Variants in DENND2B observed in about 807,000 individuals in gnomAD.
The protein encoded by DENND2B is DENN domain-containing protein 2B.
Under a neutral mutation model 116.0 loss-of-function variants are expected in DENND2B, and 32 were observed. The observed-to-expected ratio is 0.28, with a 90% confidence interval of 0.21 to 0.37. DENND2B has a LOEUF of 0.37. Among genes scored for constraint, DENND2B ranks in the 10% least tolerant of loss-of-function variants. The pLI is 1.00. For synonymous variants in DENND2B, 588 were observed against 583.9 expected (o/e 1.01, Z -0.10); for missense variants, 1,276 against 1,477.7 (o/e 0.86, Z 2.24).
chr11:8,744,996 C>T (rs1262984598), intron 2 of DENND2B, among the ~76,000 whole-genome samples: 1 of 151,544 alleles, frequency 6.6e-6, no homozygotes, highest in African/African-American at 2.4e-5. Flanking sequence ...TGGCTCACTG[C>T]TACCTCCATC....
intron 3 of DENND2B, among the ~76,000 whole-genome samples, chr11:8,847,067 T>C (rs1315224613): frequency 6.6e-6 from 1 of 152,260 alleles, no homozygotes; most frequent in East Asian, 1.9e-4. Flanking sequence ...TCTTGGGTCT[T>C]TCATAGTCTT....
intron 8 of DENND2B, among the ~76,000 whole-genome samples, chr11:8,713,110 C>T (rs1052539956): frequency 2.0e-5 from 3 of 152,200 alleles, no homozygotes; most frequent in Non-Finnish European, 2.9e-5. Context: ...AGGACATGCT[C>T]CTACATCCAA....
rs2047965292 is a variant in DENND2B, at chr11:8,730,638, T to C, written c.652A>G (p.Lys218Glu). 4 of 1,612,914 alleles carry C rather than the reference T, an allele frequency of 2.5e-6. No homozygotes were observed. The highest frequency in any genetic ancestry group is 1.7e-6 in the Non-Finnish European group (2 of 1,179,944). The change falls in exon 3 of 20, where the codon AAG (lysine) becomes GAG (glutamate). Residue 218 changes from lysine (K) to glutamate (E), a missense_variant. Lys to Glu is a moderately conservative substitution (Grantham distance 56). This residue lies in a region of DENND2B where 856 missense variants were observed against 846.6 expected (regional missense o/e 1.01). Coordinates refer to ENST00000313726, the MANE Select transcript of DENND2B (RefSeq NM_213618.2). The surrounding 1 kb of genome is among the most constrained non-coding windows in gnomAD (Gnocchi z 4.1). The part of the protein sequence containing the change: ...SVVPSPCSSE[K>E]TFDFKGLRRM... ...CGGAGGCCCTTGAAATCAAAGGTCT[T>C]TTCAGAGCTGCAGGGGGACGGCACC...
At chr11:8,888,472 C>A (rs990245096) in intron 1 of DENND2B, among the ~76,000 whole-genome samples, 4 of 152,146 alleles carry the variant, frequency 2.6e-5, no homozygotes, top group African/African-American at 7.2e-5. Flanking sequence ...CAATAAAATT[C>A]TTAGAAGAAA....
chr11:8,861,475 A>G (rs1226252504), intron 2 of DENND2B, among the ~76,000 whole-genome samples: 1 of 152,240 alleles, frequency 6.6e-6, no homozygotes, highest in African/African-American at 2.4e-5. Flanking sequence ...TAAAACCACA[A>G]TGAAATACTC....
chr11:8,704,112 G>A (rs939494218), intron 13 of DENND2B, among the ~76,000 whole-genome samples: 13 of 152,200 alleles, frequency 8.5e-5, no homozygotes, highest in African/African-American at 3.1e-4. Context: ...TCCCGGCCTT[G>A]TTCCCTGCAT....
At chr11:8,867,991 C>A (rs2063644740) in intron 2 of DENND2B, among the ~76,000 whole-genome samples, 1 of 149,300 alleles carries the variant, frequency 6.7e-6, no homozygotes, top group African/African-American at 2.5e-5. Flanking sequence ...CAACATTGAT[C>A]TACCTCTCAG....
intron 3 of DENND2B, among the ~76,000 whole-genome samples, chr11:8,846,454 G>A (rs1322910644): frequency 6.6e-6 from 1 of 152,150 alleles, no homozygotes; most frequent in South Asian, 2.1e-4. Context: ...GGGCCCACTG[G>A]GCAGACACTC....
At chr11:8,799,987 T>C (rs1302086989) in intron 1 of DENND2B, among the ~76,000 whole-genome samples, 1 of 151,268 alleles carries the variant, frequency 6.6e-6, no homozygotes, top group Non-Finnish European at 1.5e-5. Flanking sequence ...AGGATCTTGC[T>C]CTGTCACCCA....
chr11:8,749,476 T>C (rs954075803), intron 2 of DENND2B, among the ~76,000 whole-genome samples: 6 of 152,230 alleles, frequency 3.9e-5, no homozygotes, highest in Admixed American at 3.9e-4. Context: ...CAAACCCTGT[T>C]TGGCATAGTC....
At chr11:8,873,087 G>A (rs1372587659), upstream of DENND2B, among the ~76,000 whole-genome samples, 1 of 152,142 alleles carries the variant, frequency 6.6e-6, no homozygotes, top group Non-Finnish European at 1.5e-5. Flanking sequence ...CAGCCTCCAG[G>A]TAAATTCTAC....
At chr11:8,848,990 G>C (rs2062905786) in intron 3 of DENND2B, among the ~76,000 whole-genome samples, 1 of 151,898 alleles carries the variant, frequency 6.6e-6, no homozygotes, top group Non-Finnish European at 1.5e-5. Context: ...TGCCATTACT[G>C]CTGTTTTATT....
intron 2 of DENND2B, among the ~76,000 whole-genome samples, chr11:8,859,597 C>G (rs948957568): frequency 6.6e-6 from 1 of 152,188 alleles, no homozygotes; most frequent in Admixed American, 6.5e-5. Flanking sequence ...CGTGAGCCAC[C>G]GCGCCCGGCC....
chr11:8,779,516 T>C lies in DENND2B; in HGVS notation c.-25-28791A>G, dbSNP rs867592977. Among the ~76,000 whole-genome samples, 569 of 143,468 alleles carry C rather than the reference T, an allele frequency of 4.0e-3. 13 individuals carry two copies. The highest frequency in any genetic ancestry group is 0.014 in the African/African-American group (515 of 36,028). 94.1% of individuals were successfully genotyped at this position (143,468 alleles called of 152,430 possible). A position where few individuals can be genotyped will look rare whatever the true frequency, so the allele number is the denominator to read the frequency against. ...TTCTTTTCTTTCTTTCTTTCTTTCTTTTTTTTTTTTTTTGAGACGAAGTTT... is the reference window on the plus strand; with the variant it reads ...TTCTTTTCTTTCTTTCTTTCTTTCTCTTTTTTTTTTTTTGAGACGAAGTTT... On this transcript the variant is annotated intron_variant, in intron 1 of 19. Coordinates refer to ENST00000313726, the MANE Select transcript of DENND2B (RefSeq NM_213618.2).
chr11:8,809,141 AATAACT>A (rs2061151683), intron 1 of DENND2B: 1 of 152,242 alleles, frequency 6.6e-6, no homozygotes, highest in Middle Eastern at 3.1e-3. Context: ...TAGCAAGAGG[AATAACT>A]TCAGAAGTGG....
chr11:8,738,242 G>A (rs908956504), intron 2 of DENND2B, among the ~76,000 whole-genome samples: 3 of 152,116 alleles, frequency 2.0e-5, no homozygotes, highest in Non-Finnish European at 4.4e-5. Context: ...TCACAGTCTC[G>A]TCCCTATGCT....
intron 1 of DENND2B, among the ~76,000 whole-genome samples, chr11:8,900,503 T>G (rs924102027): frequency 4.0e-5 from 6 of 149,560 alleles, no homozygotes; most frequent in Non-Finnish European, 5.9e-5. Context: ...GGAGGTTGAG[T>G]TGGGGGGATC....
chr11:8,910,938 GA>G (rs2064317309), exon 1 of DENND2B: 5 of 16,070 alleles, frequency 3.1e-4, no homozygotes, highest in East Asian at 1.8e-3. Flanking sequence ...CCCAGCCCCC[GA>G]CCCCCGACCC....
In DENND2B at chr11:8,707,679, A is replaced by G. The variant is rs1036752477; in HGVS notation, c.2430+98T>C. The G allele has an allele frequency of 8.5e-6, 10 of 1,179,310 alleles. No homozygotes were observed. Among genetic ancestry groups the G allele is most frequent in the Non-Finnish European group, 1.2e-5 (10 of 827,814 alleles). The allele number at this position is 1,179,310 out of a possible 1,614,324, so 73.1% of individuals were successfully genotyped here. On this transcript the variant is annotated intron_variant, in intron 12 of 19. Coordinates refer to ENST00000313726, the MANE Select transcript of DENND2B (RefSeq NM_213618.2). The surrounding 1 kb of genome is among the most constrained non-coding windows in gnomAD (Gnocchi z 4.8). ...CCTGCATTCTGTCTCCCGCTCGCTC[A>G]CAGTCACAGGTGGTTTTCTCATCTA...
Sources: gnomAD v4.1 joint callset for allele counts (sites outside exome capture counted in the v4.1 genomes callset) on GRCh38, gnomAD v4.1.1 for gene constraint, gnomAD v4.1.1 regional missense constraint, Gnocchi (gnomAD v3.1) non-coding constraint, MANE v1.5 for transcripts, NCBI Gene and HGNC (gene_info 2026-07-23, HGNC 2026-07-21) for gene names.